CLIC5: variants seen among roughly 807,000 people sequenced by gnomAD.
CLIC5 encodes the protein chloride intracellular channel protein 5.
In CLIC5, 20 loss-of-function variants were observed where a neutral mutation model predicts 24.7. The ratio of observed to expected loss-of-function variants is 0.81; its 90% CI spans 0.57 to 1.18. CLIC5 has a LOEUF of 1.18. CLIC5 is among the 50% of genes most tolerant of loss of function. The probability of loss-of-function intolerance (pLI) is 0.00; values close to 1 mark genes in which losing one functional copy is unlikely to be tolerated. For synonymous variants in CLIC5, 159 were observed against 135.6 expected, an observed-to-expected ratio of 1.17 and a Z score of -1.20; for missense variants, 341 against 326.1, an observed-to-expected ratio of 1.05 and a Z score of -0.35.
intron 1 of CLIC5, among the ~76,000 whole-genome samples, chr6:46,027,056 A>C (rs1767350603): frequency 6.6e-6 from 1 of 152,196 alleles, no homozygotes; most frequent in Admixed American, 6.5e-5. Flanking sequence ...TCCGAGAGAC[A>C]TTGAATATAC....
chr6:45,949,234 C>T (rs373212539), intron 3 of CLIC5, 22 bp downstream of exon 3: 1 of 1,608,410 alleles, frequency 6.2e-7, no homozygotes. Context: ...TTCAACAGCC[C>T]CAGAAAGAAA....
intron 4 of CLIC5, among the ~76,000 whole-genome samples, chr6:45,939,924 G>A (rs1334610932): frequency 6.6e-6 from 1 of 151,802 alleles, no homozygotes; most frequent in Non-Finnish European, 1.5e-5. Flanking sequence ...CAGCAATGAA[G>A]CAAGAGCACC....
chr6:46,019,333 A>G (rs1010608950), upstream of CLIC5, among the ~76,000 whole-genome samples: 5 of 152,226 alleles, frequency 3.3e-5, no homozygotes, highest in Non-Finnish European at 7.3e-5. Context: ...TTCAAACACA[A>G]TGTTATTGAT....
chr6:46,119,586 G>T, the CLIC5 span, among the ~76,000 whole-genome samples: 1 of 152,240 alleles, frequency 6.6e-6, no homozygotes, highest in Non-Finnish European at 1.5e-5. Context: ...GACAGTGGGT[G>T]CAGGACAGTG....
At chr6:46,120,461 A>G in the CLIC5 span, among the ~76,000 whole-genome samples, 1 of 152,230 alleles carries the variant, frequency 6.6e-6, no homozygotes, top group Non-Finnish European at 1.5e-5. Flanking sequence ...CCAAAGGTAG[A>G]TAAAGCCACA....
At chr6:46,108,406 G>C in the CLIC5 span, among the ~76,000 whole-genome samples, 1 of 151,290 alleles carries the variant, frequency 6.6e-6, no homozygotes, top group Non-Finnish European at 1.5e-5. Context: ...GTGTGTGAGA[G>C]AGAGAGAGAG....
At chr6:45,989,638 A>T (rs185377952) in intron 1 of CLIC5, among the ~76,000 whole-genome samples, 1 of 152,292 alleles carries the variant, frequency 6.6e-6, no homozygotes, top group East Asian at 1.9e-4. Flanking sequence ...CTTTATAGCA[A>T]TCTCTGCAGT....
chr6:45,885,575 A>G (rs772807833), intron 6 of CLIC5, among the ~76,000 whole-genome samples: 3 of 152,230 alleles, frequency 2.0e-5, no homozygotes, highest in African/African-American at 7.2e-5. Context: ...TGTGTGGACA[A>G]TGCTTTCCCA....
chr6:46,051,199 C>A (rs1197974524), intron 1 of CLIC5, among the ~76,000 whole-genome samples: 1 of 152,198 alleles, frequency 6.6e-6, no homozygotes, highest in Non-Finnish European at 1.5e-5. Flanking sequence ...GAAATTGAGG[C>A]TCCCACTTGT....
the CLIC5 span, among the ~76,000 whole-genome samples, chr6:46,101,572 T>TAA: frequency 6.6e-6 from 1 of 152,140 alleles, no homozygotes; most frequent in African/African-American, 2.4e-5. Context: ...TTGTAAAGGT[T>TAA]AAAACAGAGG....
chr6:45,934,490 A>G (rs2127355908), intron 4 of CLIC5, among the ~76,000 whole-genome samples: 1 of 152,304 alleles, frequency 6.6e-6, no homozygotes, highest in East Asian at 1.9e-4. Context: ...GATTGGGCAA[A>G]ACACCACTTA....
chr6:46,112,013 T>TTATAAATTAACCAGTTTCAAG, the CLIC5 span, among the ~76,000 whole-genome samples: 1 of 151,068 alleles, frequency 6.6e-6, no homozygotes, highest in Non-Finnish European at 1.5e-5. Context: ...CTCTTTTTCT[T>TTATAAATTAACCAGTTTCAAG]TATAAATTAA....
intron 1 of CLIC5, among the ~76,000 whole-genome samples, chr6:46,052,795 G>A (rs1477226055): frequency 1.3e-5 from 2 of 152,046 alleles, no homozygotes; most frequent in Admixed American, 1.3e-4. Flanking sequence ...ATTTGAGGGT[G>A]TGGGGAGAGC....
At chr6:45,973,477 A>G (rs542689807) in intron 1 of CLIC5, among the ~76,000 whole-genome samples, 1 of 152,220 alleles carries the variant, frequency 6.6e-6, no homozygotes, top group Admixed American at 6.5e-5. Flanking sequence ...TATGACAGAG[A>G]GAAATGTGTT....
At chr6:45,924,654 T>C (rs1763406118) in intron 4 of CLIC5, among the ~76,000 whole-genome samples, 1 of 152,130 alleles carries the variant, frequency 6.6e-6, no homozygotes, top group South Asian at 2.1e-4. Flanking sequence ...AGGACAGGTA[T>C]TTTCACCAGA....
chr6:46,001,720 G>C (rs1477292267), intron 1 of CLIC5, among the ~76,000 whole-genome samples: 2 of 152,130 alleles, frequency 1.3e-5, no homozygotes, highest in Non-Finnish European at 2.9e-5. Context: ...CACATTAAAG[G>C]GTTTTGGAGT....
At chr6:45,930,029 G>A (rs1167781186) in intron 4 of CLIC5, among the ~76,000 whole-genome samples, 5 of 152,062 alleles carry the variant, frequency 3.3e-5, no homozygotes, top group East Asian at 1.9e-4. Flanking sequence ...GGCATGAAGC[G>A]CCTTATGATT....
chr6:45,986,032 C>T (rs1184617632), intron 1 of CLIC5, among the ~76,000 whole-genome samples: 1 of 152,288 alleles, frequency 6.6e-6, no homozygotes, highest in East Asian at 1.9e-4. Context: ...CAAGCTCTGT[C>T]TTGCCTGCCA....
rs139625783 is a variant in CLIC5, at chr6:46,006,788, G to C, written c.63+8692C>G. ...CCTCCCGGGTTCAAGCGATTCCCCTGCCTCAGTCTCCTAAGTAGCTGGGGC... is the reference window on the plus strand; with the variant it reads ...CCTCCCGGGTTCAAGCGATTCCCCTCCCTCAGTCTCCTAAGTAGCTGGGGC... On this transcript the variant is annotated intron_variant, in intron 1 of 5. Coordinates refer to ENST00000339561, the MANE Select transcript of CLIC5 (RefSeq NM_016929.5). Among the ~76,000 whole-genome samples the C allele has an allele frequency of 3.4e-3, 506 of 150,118 alleles. 2 individuals are homozygous for C. Among genetic ancestry groups the C allele is most frequent in the African/African-American group, 0.012 (485 of 40,764 alleles).
Sources: gnomAD v4.1 joint callset for allele counts (sites outside exome capture counted in the v4.1 genomes callset) on GRCh38, gnomAD v4.1.1 for gene constraint, MANE v1.5 for transcripts, NCBI Gene and HGNC (gene_info 2026-07-23, HGNC 2026-07-21) for gene names.